CACNA2D1: variants seen among roughly 807,000 people sequenced by gnomAD.
CACNA2D1 encodes the protein voltage-dependent calcium channel subunit alpha-2/delta-1.
In CACNA2D1, 53 loss-of-function variants were observed where a neutral mutation model predicts 171.5. The observed-to-expected ratio is 0.31, with a 90% confidence interval of 0.25 to 0.39. The LOEUF (loss-of-function observed/expected upper bound fraction) is 0.39, where lower values mean the gene tolerates loss of function less well. Among genes scored for constraint, CACNA2D1 ranks in the 10% least tolerant of loss-of-function variants. The pLI is 1.00. For synonymous variants in CACNA2D1, 442 were observed against 443.1 expected (o/e 1.00, Z 0.03); for missense variants, 903 against 1,299.8 (o/e 0.69, Z 4.69).
At chr7:82,347,940 C>A (rs2129445682) in intron 2 of CACNA2D1, among the ~76,000 whole-genome samples, 1 of 152,060 alleles carries the variant, frequency 6.6e-6, no homozygotes, top group Non-Finnish European at 1.5e-5. Flanking sequence ...GTTAATGATT[C>A]ATTGCAAAAA....
In CACNA2D1 at chr7:82,344,402, T is replaced by C. The variant is rs145001497; in HGVS notation, c.177+5166A>G. ...TTTAGAGTAACAATAAATAATAACA[T>C]ATCCCTCAAGTACTAGCATAACTTC... is the stretch of plus-strand genomic sequence containing the variant. On this transcript the variant is annotated intron_variant, in intron 2 of 38. Coordinates refer to ENST00000356860, the MANE Select transcript of CACNA2D1 (RefSeq NM_000722.4). 6.3e-3 allele frequency among the ~76,000 whole-genome samples: 957 copies of C among 152,292 alleles called. 4 individuals carry two copies. Among genetic ancestry groups the C allele is most frequent in the Admixed American group, 0.012 (190 of 15,294 alleles).
chr7:82,238,116 T>C (rs1803829942), intron 3 of CACNA2D1, among the ~76,000 whole-genome samples: 1 of 152,034 alleles, frequency 6.6e-6, no homozygotes, highest in Non-Finnish European at 1.5e-5. Flanking sequence ...TGAAACTTTG[T>C]CACACAGAAA....
At chr7:82,212,345 T>G (rs561980520) in intron 3 of CACNA2D1, among the ~76,000 whole-genome samples, 56 of 152,316 alleles carry the variant, frequency 3.7e-4, no homozygotes, top group African/African-American at 1.3e-3. Flanking sequence ...CACACTTTGT[T>G]TACAAAATGA....
intron 3 of CACNA2D1, among the ~76,000 whole-genome samples, chr7:82,224,469 C>G (rs1320494961): frequency 6.6e-6 from 1 of 152,002 alleles, no homozygotes; most frequent in Non-Finnish European, 1.5e-5. Flanking sequence ...GCCTGTAATC[C>G]CAGCTACTCA....
chr7:82,195,660 TAA>T (rs75394173), intron 3 of CACNA2D1, among the ~76,000 whole-genome samples: 12 of 142,680 alleles, frequency 8.4e-5, no homozygotes, highest in African/African-American at 2.3e-4. Context: ...TTCATGTATT[TAA>T]AAAAAAAAAA....
At chr7:81,993,677 A>G (rs1797774873) in intron 20 of CACNA2D1, among the ~76,000 whole-genome samples, 1 of 152,154 alleles carries the variant, frequency 6.6e-6, no homozygotes, top group Non-Finnish European at 1.5e-5. Flanking sequence ...TGAAATACCA[A>G]TATACATAGA....
intron 35 of CACNA2D1, 60 bp downstream of exon 35, chr7:81,962,380 C>A (rs1368639137): frequency 4.2e-6 from 5 of 1,189,200 alleles, no homozygotes; most frequent in Non-Finnish European, 6.2e-6. Context: ...GAACTTCAAG[C>A]ACATCCCAAA....
intron 38 of CACNA2D1, among the ~76,000 whole-genome samples, chr7:81,952,368 T>C (rs1362570341): frequency 6.6e-6 from 1 of 152,048 alleles, no homozygotes; most frequent in African/African-American, 2.4e-5. Flanking sequence ...ACACAGTAAA[T>C]AAAATTATTT....
chr7:82,298,912 A>C (rs1474233342), intron 3 of CACNA2D1, among the ~76,000 whole-genome samples: 2 of 152,026 alleles, frequency 1.3e-5, no homozygotes, highest in South Asian at 4.2e-4. Context: ...AAAGTACACA[A>C]ATTGGCCGGG....
intron 4 of CACNA2D1, among the ~76,000 whole-genome samples, chr7:82,138,199 A>G (rs1791903682): frequency 7.8e-6 from 1 of 127,852 alleles, no homozygotes; most frequent in Non-Finnish European, 1.8e-5. Flanking sequence ...GAAACATACC[A>G]CGAGACTGAA....
chr7:82,025,427 G>A (rs1801762793), intron 12 of CACNA2D1, among the ~76,000 whole-genome samples: 1 of 151,482 alleles, frequency 6.6e-6, no homozygotes, highest in Non-Finnish European at 1.5e-5. Context: ...AAATGAGATT[G>A]TTTTCCTCAT....
intron 1 of CACNA2D1, among the ~76,000 whole-genome samples, chr7:82,380,034 C>G (rs1823511902): frequency 6.6e-6 from 1 of 152,040 alleles, no homozygotes; most frequent in Non-Finnish European, 1.5e-5. Flanking sequence ...CTTCATCATC[C>G]CATAACCCAC....
chr7:82,253,258 G>A (rs925182779), intron 3 of CACNA2D1, among the ~76,000 whole-genome samples: 6 of 152,196 alleles, frequency 3.9e-5, no homozygotes, highest in Admixed American at 3.9e-4. Flanking sequence ...GCAGTAGTAT[G>A]GAAAATGAAT....
At chr7:82,177,766 A>G (rs12669522) in intron 3 of CACNA2D1, among the ~76,000 whole-genome samples, 21,524 of 152,060 alleles carry the variant, frequency 0.14, 2,061 homozygotes, top group African/African-American at 0.26. Context: ...AAAGATTCTA[A>G]ATCATAACTT....
intron 3 of CACNA2D1, among the ~76,000 whole-genome samples, chr7:82,316,353 T>C (rs1815119141): frequency 6.6e-6 from 1 of 152,164 alleles, no homozygotes; most frequent in Non-Finnish European, 1.5e-5. Flanking sequence ...ACTTACTGCC[T>C]TTATAAACAT....
chr7:82,169,889 G>C (rs904329908), intron 4 of CACNA2D1, among the ~76,000 whole-genome samples: 1 of 151,096 alleles, frequency 6.6e-6, no homozygotes, highest in African/African-American at 2.4e-5. Flanking sequence ...GCTATAAGAG[G>C]ATAGATAAAT....
At chr7:82,005,261 T>G (rs988885175) in intron 18 of CACNA2D1, 162 bp downstream of exon 18, 8 of 610,334 alleles carry the variant, frequency 1.3e-5, no homozygotes, top group Non-Finnish European at 2.4e-5. Context: ...CACTTTCATA[T>G]AGTATCATGT....
In CACNA2D1 at chr7:81,964,062, G is replaced by A; in HGVS notation, c.2774C>T (p.Ala925Val). The change falls in exon 34 of 39, where the codon GCT becomes GTT. Residue 925 changes from alanine to valine, a missense_variant. This residue lies in a region of CACNA2D1 where 623 missense variants were observed against 925.5 expected (regional missense o/e 0.67). Transcript: ENST00000356860. The part of the protein sequence containing the change: ...ILQIGWWATA[A>V]AWSILQQFLL... ...AACTAAAATTTTGACTTACCAGGCAGCAGCAGTGGCCCACCAGCCAATTTG... is the reference window on the plus strand; with the variant it reads ...AACTAAAATTTTGACTTACCAGGCAACAGCAGTGGCCCACCAGCCAATTTG... 6.2e-7 allele frequency: 1 copy of A among 1,611,496 alleles called. No homozygotes were observed.
intron 5 of CACNA2D1, among the ~76,000 whole-genome samples, chr7:82,135,508 T>C (rs1306844650): frequency 1.3e-5 from 2 of 152,108 alleles, no homozygotes; most frequent in African/African-American, 4.8e-5. Flanking sequence ...CTCTTAGCTC[T>C]TCAACTATAA....
Sources: allele counts gnomAD v4.1 joint callset (sites outside exome capture counted in the v4.1 genomes callset), GRCh38; gene constraint gnomAD v4.1.1; regional missense constraint gnomAD v4.1.1; transcripts MANE v1.5; gene names NCBI Gene and HGNC (gene_info 2026-07-23, HGNC 2026-07-21).